Variants in KDM4B observed in about 807,000 individuals in gnomAD.
KDM4B encodes lysine demethylase 4B.
KDM4B carries 32 observed loss-of-function variants against 125.2 expected under a neutral mutation model. The observed-to-expected ratio is 0.26, with a 90% CI of 0.19 to 0.34. The LOEUF (loss-of-function observed/expected upper bound fraction) is 0.34, where lower values mean the gene tolerates loss of function less well. Ranked by LOEUF, KDM4B falls within the 10% of genes least tolerant of loss-of-function variation. KDM4B has a pLI of 1.00. For missense variants in KDM4B, 1,190 were observed against 1,577.7 expected (o/e 0.75, Z 4.16); for synonymous variants, 721 against 677.9 (o/e 1.06, Z -0.99).
chr19:5,088,471 C>T (rs895666253), intron 9 of KDM4B, among the ~76,000 whole-genome samples: 6 of 152,174 alleles, frequency 3.9e-5, no homozygotes, highest in African/African-American at 7.2e-5. Context: ...GCGCTGGGTT[C>T]GACTTCCATC....
chr19:4,988,327 G>C (rs1011787362), intron 1 of KDM4B, among the ~76,000 whole-genome samples: 1 of 152,106 alleles, frequency 6.6e-6, no homozygotes, highest in Non-Finnish European at 1.5e-5. Flanking sequence ...CCAGGCTGGA[G>C]TGCAGTGGTG....
At chr19:4,972,159 G>T (rs2034282363) in intron 1 of KDM4B, among the ~76,000 whole-genome samples, 1 of 152,208 alleles carries the variant, frequency 6.6e-6, no homozygotes, top group African/African-American at 2.4e-5. Context: ...CAGGGGCCCA[G>T]CCTGGGCTCC....
At position 4,969,201 on chromosome 19, in the gene KDM4B, T is replaced by C. The variant is rs1335357675; in HGVS notation, c.-138T>C. The C allele has an allele frequency of 1.3e-5, 2 of 148,882 alleles. No homozygotes were observed. The highest frequency in any genetic ancestry group is 2.0e-4 in the East Asian group (1 of 5,094). The allele number at this position is 148,882 out of a possible 1,614,324, so 9.2% of individuals were successfully genotyped here. On this transcript the variant is annotated 5_prime_UTR_variant, in exon 1 of 23. Coordinates refer to ENST00000159111, the MANE Select transcript of KDM4B (RefSeq NM_015015.3). The stretch of plus-strand genomic sequence containing the variant: ...AGGGCGGGGGAGAGCGCGCCGCTGC[T>C]CCCGGACCGGGCCGCGCACGCCGCC...
intron 9 of KDM4B, among the ~76,000 whole-genome samples, chr19:5,097,173 A>G (rs2038844759): frequency 6.6e-6 from 1 of 152,210 alleles, no homozygotes; most frequent in Admixed American, 6.5e-5. Context: ...ATCTCACCGT[A>G]CACAGGATTC....
rs557258917 is a variant in KDM4B, at chr19:5,134,157, G to A, written c.2085+96G>A. 1.0e-5 allele frequency: 12 copies of A among 1,203,024 alleles called. No homozygotes were observed. The African/African-American group carries it at 1.1e-4, about 11-fold the overall frequency. 74.5% of individuals were successfully genotyped at this position (1,203,024 alleles called of 1,614,324 possible). Reference sequence around the variant, plus strand: ...CACCCCACACGCCTCCCTCTCTCACGCAGGGCAGGGTGTTGGCCAGCACCC... The same window carrying A: ...CACCCCACACGCCTCCCTCTCTCACACAGGGCAGGGTGTTGGCCAGCACCC... On this transcript the variant is annotated intron_variant, in intron 14 of 22. Transcript: ENST00000159111.
chr19:5,114,389 G>T lies in KDM4B; in HGVS notation c.1115+3571G>T. 1 of 513,650 alleles carries T rather than the reference G, an allele frequency of 1.9e-6. No homozygotes were observed. Among genetic ancestry groups the T allele is most frequent in the Non-Finnish European group, 3.6e-6 (1 of 281,430 alleles). The allele number at this position is 513,650 out of a possible 1,614,324, so 31.8% of individuals were successfully genotyped here. A position where few individuals can be genotyped will look rare whatever the true frequency, so the allele number is the denominator to read the frequency against. On this transcript the variant is annotated intron_variant, in intron 10 of 22. Coordinates refer to ENST00000159111, the MANE Select transcript of KDM4B (RefSeq NM_015015.3). The surrounding 1 kb of genome is among the most constrained non-coding windows in gnomAD (Gnocchi z 5.8). ...CTTGGCCTGTCGCCCCTGCGCCAGTGCAGGACACCGCCACGCCTCTGGCCC... is the reference window on the plus strand; with the variant it reads ...CTTGGCCTGTCGCCCCTGCGCCAGTTCAGGACACCGCCACGCCTCTGGCCC...
At position 5,032,916 on chromosome 19, in the gene KDM4B, A is replaced by C. The variant is rs750066645; in HGVS notation, c.26A>C (p.Gln9Pro). 2 of 1,614,070 alleles carry C rather than the reference A, an allele frequency of 1.2e-6. No homozygotes were observed. Among genetic ancestry groups the C allele is most frequent in the East Asian group, 4.5e-5 (2 of 44,890 alleles). ...ATGGGGTCTGAGGACCACGGCGCCC[A>C]GAACCCCAGCTGTAAAATCATGACG... Reference protein sequence around the residue: MGSEDHGAQNPSCKIMTFR... With the variant: MGSEDHGAPNPSCKIMTFR... The change falls in exon 3 of 23, where the codon CAG (glutamine) becomes CCG (proline). Residue 9 changes from glutamine (Q) to proline (P), a missense_variant. Physicochemically the swap from Gln to Pro is moderately conservative, Grantham distance 76. Coordinates refer to ENST00000159111, the MANE Select transcript of KDM4B (RefSeq NM_015015.3).
Position 5,131,543 on chromosome 19 carries a change from C to A in KDM4B, c.1783C>A (p.Gln595Lys). The change falls in exon 12 of 23, where the codon CAG becomes AAG. Residue 595 changes from glutamine (Q) to lysine (K), a missense_variant and splice_region_variant. Physicochemically the swap from Gln to Lys is moderately conservative, Grantham distance 53 (BLOSUM62 1). Around this residue, in one of 7 missense-constraint regions of KDM4B, gnomAD observed 428 missense variants for 405.1 expected, o/e 1.06. Transcript: ENST00000159111. Reference protein sequence around the residue: ...METKARAGEGQAPSTFSKLKM... With the variant: ...METKARAGEGKAPSTFSKLKM... ...GACCAAAGCCCGGGCCGGAGAGGGG[C>A]AGGTGGGGTGGAGCGGGGGAGGCAG... The A allele has an allele frequency of 9.8e-7, 1 of 1,021,188 alleles. No homozygotes were observed. The highest frequency in any genetic ancestry group is 1.2e-6 in the Non-Finnish European group (1 of 831,206). The allele number at this position is 1,021,188 out of a possible 1,614,324, so 63.3% of individuals were successfully genotyped here.
At chr19:5,043,464 T>C (rs1216896679) in intron 5 of KDM4B, among the ~76,000 whole-genome samples, 10 of 147,378 alleles carry the variant, frequency 6.8e-5, no homozygotes, top group Middle Eastern at 3.6e-3. Context: ...GCGCTGTGTT[T>C]ATCGGAGTGG....
chr19:5,004,510 G>A (rs182427896), intron 1 of KDM4B, among the ~76,000 whole-genome samples: 139 of 152,294 alleles, frequency 9.1e-4, no homozygotes, highest in African/African-American at 3.1e-3. Flanking sequence ...CTAGAGCAAT[G>A]CCCTCAGCCA....
chr19:5,133,328 G>T (rs904931449), intron 13 of KDM4B, among the ~76,000 whole-genome samples: 2 of 152,198 alleles, frequency 1.3e-5, no homozygotes, highest in African/African-American at 2.4e-5. Flanking sequence ...TGGCTTCCTA[G>T]CCCTGGTCAC....
At chr19:4,974,405 A>C (rs1261489334) in intron 1 of KDM4B, among the ~76,000 whole-genome samples, 1 of 151,932 alleles carries the variant, frequency 6.6e-6, no homozygotes, top group African/African-American at 2.4e-5. Flanking sequence ...CCATCTCAAA[A>C]ATAAATAAAT....
At chr19:4,985,357 GAAACA>G (rs1447951188) in intron 1 of KDM4B, among the ~76,000 whole-genome samples, 1 of 152,254 alleles carries the variant, frequency 6.6e-6, no homozygotes, top group South Asian at 2.1e-4. Flanking sequence ...CAGTGAAGTG[GAAACA>G]AAACAATACA....
chr19:5,136,607 G>A (rs1250995638), intron 15 of KDM4B, among the ~76,000 whole-genome samples: 1 of 152,084 alleles, frequency 6.6e-6, no homozygotes, highest in Non-Finnish European at 1.5e-5. Flanking sequence ...CAGCCGGGCC[G>A]CCCCAGCCAG....
At chr19:4,988,564 C>T (rs1480300799) in intron 1 of KDM4B, among the ~76,000 whole-genome samples, 1 of 152,150 alleles carries the variant, frequency 6.6e-6, no homozygotes, top group Admixed American at 6.5e-5. Context: ...CATGAGCCAC[C>T]GTGCCCGGCC....
chr19:5,066,430 C>T (rs1399757943), intron 6 of KDM4B, among the ~76,000 whole-genome samples: 1 of 152,158 alleles, frequency 6.6e-6, no homozygotes, highest in Non-Finnish European at 1.5e-5. Context: ...ACTGTGCTGC[C>T]TCACATGTGT....
chr19:5,102,801 C>T (rs1348908002), intron 9 of KDM4B, among the ~76,000 whole-genome samples: 2 of 152,214 alleles, frequency 1.3e-5, no homozygotes, highest in African/African-American at 4.8e-5. Context: ...CTGACGTCAG[C>T]ATCTCTCTCT....
chr19:4,983,135 CTT>C (rs76958173), intron 1 of KDM4B, among the ~76,000 whole-genome samples: 46 of 130,518 alleles, frequency 3.5e-4, no homozygotes, highest in Non-Finnish European at 3.8e-4. Flanking sequence ...TTTTTCTTTT[CTT>C]TTTTTTTTTT....
intron 9 of KDM4B, among the ~76,000 whole-genome samples, chr19:5,084,593 A>ATTATATAAATTATATATATAACATAAT (rs1412298109): frequency 7.0e-6 from 1 of 143,118 alleles, no homozygotes; most frequent in Non-Finnish European, 1.5e-5. Context: ...ATAAATATAA[A>ATTATATAAATTATATATATAACATAAT]TTATATAAAT....
Sources: allele counts gnomAD v4.1 joint callset (sites outside exome capture counted in the v4.1 genomes callset), GRCh38; gene constraint gnomAD v4.1.1; regional missense constraint gnomAD v4.1.1; non-coding constraint Gnocchi (gnomAD v3.1); transcripts MANE v1.5; gene names NCBI Gene and HGNC (gene_info 2026-07-23, HGNC 2026-07-21).